The following RSU1 variants were observed in gnomAD, a reference collection of about 807,000 sequenced individuals.
The protein encoded by RSU1 is rsu-1.
A neutral mutation model predicts 31.1 loss-of-function variants in RSU1; 26 were observed. The ratio of observed to expected loss-of-function variants is 0.84; its 90% CI spans 0.61 to 1.16. The LOEUF (loss-of-function observed/expected upper bound fraction) is 1.16. Among genes scored for constraint, RSU1 ranks in the 50% most tolerant of loss-of-function variants. The pLI is 0.00. For missense variants in RSU1, 320 were observed against 339.1 expected (o/e 0.94, Z 0.44); for synonymous variants, 164 against 136.3 (o/e 1.20, Z -1.41).
At chr10:16,770,012 G>A (rs1837391208) in intron 3 of RSU1, among the ~76,000 whole-genome samples, 1 of 152,112 alleles carries the variant, frequency 6.6e-6, no homozygotes, top group South Asian at 2.1e-4. Flanking sequence ...TCACTCAGTG[G>A]CAAATTCATC....
chr10:16,808,692 T>C (rs1231715192), intron 2 of RSU1, among the ~76,000 whole-genome samples: 1 of 152,146 alleles, frequency 6.6e-6, no homozygotes, highest in East Asian at 1.9e-4. Context: ...ACCTCTAATC[T>C]AGATGTTATG....
intron 8 of RSU1, among the ~76,000 whole-genome samples, chr10:16,671,668 G>A (rs1201341223): frequency 2.0e-5 from 3 of 151,622 alleles, no homozygotes; most frequent in East Asian, 2.0e-4. Flanking sequence ...ACTCTGTTGC[G>A]AGGCTGGAGG....
chr10:16,767,106 T>C (rs146275168), intron 3 of RSU1: 23 of 151,716 alleles, frequency 1.5e-4, no homozygotes, highest in African/African-American at 5.3e-4. Context: ...GATCATAAAG[T>C]ATATACATTA....
At position 16,695,156 on chromosome 10, in the gene RSU1, C is replaced by G; in HGVS notation, c.599-1G>C. On this transcript the variant is annotated splice_acceptor_variant, in intron 7 of 8. Transcript: ENST00000345264. LOFTEE classifies it high-confidence loss of function. The stretch of plus-strand genomic sequence containing the variant: ...TTCTGGCCAGTTAAATCCAAGTTTC[C>G]TGGGGGGGGGGAAAAAAAAAGTGAA... The G allele has an allele frequency of 7.2e-7, 1 of 1,391,054 alleles. No homozygotes were observed. Among genetic ancestry groups the G allele is most frequent in the Non-Finnish European group, 9.5e-7 (1 of 1,055,460 alleles). The allele number at this position is 1,391,054 out of a possible 1,614,324, so 86.2% of individuals were successfully genotyped here.
At chr10:16,721,617 G>C (rs1254544518) in intron 7 of RSU1, 1 of 152,182 alleles carries the variant, frequency 6.6e-6, no homozygotes, top group African/African-American at 2.4e-5. Flanking sequence ...TCACAAATTA[G>C]ACTAGATCCA....
chr10:16,671,338 A>G (rs1399253727), intron 8 of RSU1, among the ~76,000 whole-genome samples: 2 of 152,070 alleles, frequency 1.3e-5, no homozygotes, highest in South Asian at 4.1e-4. Context: ...TCTTTTGACA[A>G]TCTTTGATAG....
At chr10:16,791,269 C>G (rs1055595965) in intron 2 of RSU1, among the ~76,000 whole-genome samples, 3 of 152,084 alleles carry the variant, frequency 2.0e-5, no homozygotes, top group Non-Finnish European at 2.9e-5. Context: ...TCAGGTGATT[C>G]ACCTGACTTG....
intron 8 of RSU1, among the ~76,000 whole-genome samples, chr10:16,648,427 G>A (rs1053157149): frequency 4.6e-5 from 7 of 152,192 alleles, no homozygotes; most frequent in African/African-American, 1.7e-4. Flanking sequence ...TCTGGGCAGA[G>A]AGCTTATTGC....
intron 7 of RSU1, among the ~76,000 whole-genome samples, chr10:16,716,106 T>A (rs1385700766): frequency 6.6e-6 from 1 of 152,222 alleles, no homozygotes; most frequent in Non-Finnish European, 1.5e-5. Context: ...TTAGTCGGAA[T>A]TCTTGATGAA....
intron 2 of RSU1, among the ~76,000 whole-genome samples, chr10:16,784,555 C>A (rs1355304132): frequency 6.6e-6 from 1 of 152,126 alleles, no homozygotes; most frequent in African/African-American, 2.4e-5. Context: ...TGTTCTCACG[C>A]TGCTAGTAAA....
At chr10:16,677,013 T>C (rs1330738280) in intron 8 of RSU1, among the ~76,000 whole-genome samples, 1 of 152,106 alleles carries the variant, frequency 6.6e-6, no homozygotes, top group Non-Finnish European at 1.5e-5. Context: ...GCAACCCTAG[T>C]ATGAGGATGA....
chr10:16,774,518 C>T (rs1588526394), intron 3 of RSU1, among the ~76,000 whole-genome samples: 1 of 152,174 alleles, frequency 6.6e-6, no homozygotes, highest in African/African-American at 2.4e-5. Flanking sequence ...TGCAGTGAGC[C>T]GAAATCACGC....
At chr10:16,814,140 T>C (rs868668572) in intron 2 of RSU1, among the ~76,000 whole-genome samples, 19 of 152,228 alleles carry the variant, frequency 1.2e-4, no homozygotes, top group Middle Eastern at 3.4e-3. Flanking sequence ...TAAAAGTTTA[T>C]CAGTAAAGAA....
At chr10:16,724,102 A>G (rs1836335885) in intron 7 of RSU1, among the ~76,000 whole-genome samples, 6 of 151,952 alleles carry the variant, frequency 3.9e-5, no homozygotes. Context: ...CACCATGTCC[A>G]GCTAATTTTT....
chr10:16,775,197 G>C (rs1261540203), intron 3 of RSU1, among the ~76,000 whole-genome samples: 2 of 151,634 alleles, frequency 1.3e-5, no homozygotes, highest in African/African-American at 4.9e-5. Context: ...AACTGAAAAT[G>C]TACGTATAAT....
intron 8 of RSU1, among the ~76,000 whole-genome samples, chr10:16,665,640 C>T (rs1834974940): frequency 6.6e-6 from 1 of 152,104 alleles, no homozygotes; most frequent in South Asian, 2.1e-4. Flanking sequence ...TCGTTTTGAA[C>T]AAAGACTTCT....
chr10:16,704,133 A>T (rs779048432), intron 7 of RSU1, among the ~76,000 whole-genome samples: 1 of 152,206 alleles, frequency 6.6e-6, no homozygotes, highest in African/African-American at 2.4e-5. Flanking sequence ...TAAAAGAAAA[A>T]ATTAAATCTA....
intron 7 of RSU1, among the ~76,000 whole-genome samples, chr10:16,704,906 G>A (rs551078486): frequency 6.6e-6 from 1 of 151,892 alleles, no homozygotes; most frequent in African/African-American, 2.4e-5. Context: ...ATTTTTAAGG[G>A]TATGGTTTGG....
intron 7 of RSU1, among the ~76,000 whole-genome samples, chr10:16,715,883 G>A (rs1290884911): frequency 6.6e-6 from 1 of 152,192 alleles, no homozygotes; most frequent in East Asian, 1.9e-4. Context: ...TCTACAGATT[G>A]CTTTAGATAG....
Sources: allele counts gnomAD v4.1 joint callset (sites outside exome capture counted in the v4.1 genomes callset), GRCh38; gene constraint gnomAD v4.1.1; transcripts MANE v1.5; gene names NCBI Gene and HGNC (gene_info 2026-07-23, HGNC 2026-07-21).